KIAA1217: variants seen among roughly 807,000 people sequenced by gnomAD.
KIAA1217 encodes the protein sickle tail protein homolog.
KIAA1217 carries 88 observed loss-of-function variants against 163.9 expected under a neutral mutation model. The observed-to-expected ratio is 0.54, with a 90% CI of 0.45 to 0.64. KIAA1217 has a LOEUF of 0.64. Ranked by LOEUF, KIAA1217 falls within the 30% of genes least tolerant of loss-of-function variation. KIAA1217 has a pLI of 0.00. For missense variants in KIAA1217, 2,372 were observed against 2,475.0 expected, an observed-to-expected ratio of 0.96 and a Z score of 0.88; for synonymous variants, 903 against 923.1, an observed-to-expected ratio of 0.98 and a Z score of 0.39.
intron 2 of KIAA1217, among the ~76,000 whole-genome samples, chr10:24,099,569 T>TTATA (rs529207171): frequency 0.071 from 10,292 of 144,104 alleles, 635 homozygotes; most frequent in African/African-American, 0.17. Context: ...CACATTTTCT[T>TTATA]TATATATATA....
intron 3 of KIAA1217, among the ~76,000 whole-genome samples, chr10:24,426,208 G>A (rs997861529): frequency 6.6e-6 from 1 of 152,160 alleles, no homozygotes; most frequent in Non-Finnish European, 1.5e-5. Flanking sequence ...CCACATTACA[G>A]GAATAATTTA....
rs561483733 is a variant in KIAA1217, at chr10:23,984,452, G to A, written c.-320-22773G>A. Among the ~76,000 whole-genome samples the A allele has an allele frequency of 3.9e-5, 6 of 152,202 alleles. No homozygotes were observed. The South Asian group carries it at 1.0e-3, about 26-fold the overall frequency. On this transcript the variant is annotated intron_variant, in intron 1 of 18. Coordinates refer to the KIAA1217 transcript ENST00000376462. ...GATTGCTGGGTCAAATGGTATAAAG[G>A]CACATGCATAAGTATGTTCATTGCA...
intron 3 of KIAA1217, among the ~76,000 whole-genome samples, chr10:24,415,148 G>C (rs139917893): frequency 0.023 from 2,751 of 121,858 alleles, 45 homozygotes; most frequent in Middle Eastern, 0.054. Flanking sequence ...GAGTCTTTCT[G>C]TTGTCACCCA....
At chr10:24,117,166 T>C (rs375914472) in intron 2 of KIAA1217, among the ~76,000 whole-genome samples, 1 of 152,048 alleles carries the variant, frequency 6.6e-6, no homozygotes. Flanking sequence ...GCCTCCCTAG[T>C]AGCTGGGATT....
At chr10:24,216,768 A>G (rs942314613) in intron 1 of KIAA1217, among the ~76,000 whole-genome samples, 46 of 149,220 alleles carry the variant, frequency 3.1e-4, no homozygotes, top group Non-Finnish European at 5.6e-4. Flanking sequence ...TAGAGGTTGC[A>G]GTGAGCTGAG....
intron 1 of KIAA1217, among the ~76,000 whole-genome samples, chr10:23,802,547 A>T (rs1836521976): frequency 1.3e-5 from 2 of 152,206 alleles, no homozygotes; most frequent in Admixed American, 1.3e-4. Flanking sequence ...GAGGGATTAA[A>T]GGTTGGAGGA....
intron 6 of KIAA1217, among the ~76,000 whole-genome samples, chr10:24,492,071 A>G (rs527256920): frequency 6.6e-6 from 1 of 152,350 alleles, no homozygotes; most frequent in South Asian, 2.1e-4. Flanking sequence ...CTGCGGATAG[A>G]GTCCCTGTGG....
In KIAA1217 at chr10:24,542,922, T is replaced by C; in HGVS notation, c.3652T>C (p.Trp1218Arg). 6.2e-7 allele frequency: 1 copy of C among 1,612,370 alleles called. No individual in the cohort carries two copies. The change falls in exon 19 of 21, where the codon TGG becomes CGG. Residue 1218 changes from tryptophan (W) to arginine (R), a missense_variant. By Grantham distance (101) the Trp-to-Arg change is moderately radical (BLOSUM62 -3). Around this residue, in one of 3 missense-constraint regions of KIAA1217, gnomAD observed 251 missense variants for 327.3 expected, o/e 0.77. Transcript: ENST00000376454. ...GAVRPSDPPK[W>R]ERGMENSISD... is the part of the protein sequence containing the mutation. ...TGTAAGACCTAGTGACCCTCCTAAG[T>C]GGGAAAGAGGAATGGAGAATAGTAT... is the stretch of plus-strand genomic sequence containing the variant.
chr10:24,513,782 C>T (rs1231639866), intron 10 of KIAA1217, among the ~76,000 whole-genome samples: 2 of 108,306 alleles, frequency 1.8e-5, no homozygotes, highest in Admixed American at 1.8e-4. Context: ...GAGATCCTGT[C>T]TCTTAAAAAA....
At chr10:24,123,822 A>G (rs2063373048) in intron 2 of KIAA1217, among the ~76,000 whole-genome samples, 1 of 152,202 alleles carries the variant, frequency 6.6e-6, no homozygotes, top group Non-Finnish European at 1.5e-5. Context: ...ATTATCTGAT[A>G]TTCTTCTTTG....
rs563560157 is a variant in KIAA1217, at chr10:23,769,004, C to T, written c.-321+73770C>T. Among the ~76,000 whole-genome samples the T allele has an allele frequency of 3.3e-5, 5 of 152,304 alleles. No homozygotes were observed. The South Asian group carries it at 1.0e-3, about 32-fold the overall frequency. The stretch of plus-strand genomic sequence containing the variant: ...GTAACTGCCTAACAAGTTCACCTTG[C>T]CTGCTGCCTAGACAGAGACAATTTA... On this transcript the variant is annotated intron_variant, in intron 1 of 18. Coordinates refer to the KIAA1217 transcript ENST00000376462.
intron 2 of KIAA1217, among the ~76,000 whole-genome samples, chr10:24,322,855 A>G (rs2044354903): frequency 6.6e-6 from 1 of 152,240 alleles, no homozygotes; most frequent in Non-Finnish European, 1.5e-5. Context: ...TCATCTTGGC[A>G]ACGTGTGATT....
At chr10:24,404,428 A>G (rs767418836) in intron 3 of KIAA1217, among the ~76,000 whole-genome samples, 14 of 152,102 alleles carry the variant, frequency 9.2e-5, no homozygotes, top group East Asian at 1.9e-4. Context: ...TCAGCCAGGC[A>G]TGGTGGTGTG....
intron 3 of KIAA1217, among the ~76,000 whole-genome samples, chr10:24,396,268 C>T (rs928736176): frequency 6.6e-6 from 1 of 151,924 alleles, no homozygotes; most frequent in Non-Finnish European, 1.5e-5. Context: ...GCCCGGGAAG[C>T]GGAGGTTGCA....
chr10:24,152,938 G>T (rs1437551672), intron 2 of KIAA1217, among the ~76,000 whole-genome samples: 6 of 152,138 alleles, frequency 3.9e-5, no homozygotes, highest in Non-Finnish European at 5.9e-5. Context: ...CACTCATTCT[G>T]AAGTTAAGAA....
intron 2 of KIAA1217, among the ~76,000 whole-genome samples, chr10:24,113,148 C>A (rs1044968673): frequency 2.0e-5 from 3 of 152,118 alleles, no homozygotes; most frequent in African/African-American, 7.2e-5. Context: ...CAGGGATAAC[C>A]CCTAGACCCG....
chr10:24,210,692 T>G (rs2130635382), intron 1 of KIAA1217, among the ~76,000 whole-genome samples: 1 of 152,298 alleles, frequency 6.6e-6, no homozygotes, highest in South Asian at 2.1e-4. Context: ...CAGTGAATAT[T>G]GAGCATCTGT....
At chr10:24,181,316 C>T (rs2066160349) in intron 2 of KIAA1217, among the ~76,000 whole-genome samples, 1 of 151,982 alleles carries the variant, frequency 6.6e-6, no homozygotes, top group African/African-American at 2.4e-5. Flanking sequence ...AGAAGTAGGA[C>T]CTGGCTAGAT....
At chr10:24,313,357 G>C (rs888519801) in intron 2 of KIAA1217, among the ~76,000 whole-genome samples, 3 of 152,182 alleles carry the variant, frequency 2.0e-5, no homozygotes, top group African/African-American at 4.8e-5. Flanking sequence ...GCTCTTACTG[G>C]TAGGCTTGAG....
Sources: gnomAD v4.1 joint callset for allele counts (sites outside exome capture counted in the v4.1 genomes callset) on GRCh38, gnomAD v4.1.1 for gene constraint, gnomAD v4.1.1 regional missense constraint, MANE v1.5 for transcripts, NCBI Gene and HGNC (gene_info 2026-07-23, HGNC 2026-07-21) for gene names.